Variants in ZNF778 observed in about 807,000 individuals in gnomAD.
ZNF778 encodes the protein zinc finger protein 778.
Under a neutral mutation model 23.9 loss-of-function variants are expected in ZNF778, and 37 were observed. The observed-to-expected ratio is 1.54, with a 90% CI of 1.19 to 2.03. ZNF778 has a LOEUF of 2.03. ZNF778 is among the 30% of genes most tolerant of loss of function. The pLI, the probability that ZNF778 is intolerant of heterozygous loss-of-function variation, is 0.00. For missense variants in ZNF778, 1,297 were observed against 934.4 expected, an observed-to-expected ratio of 1.39 and a Z score of -5.06; for synonymous variants, 483 against 343.9, an observed-to-expected ratio of 1.40 and a Z score of -4.48.
chr16:89,234,332 T>C lies in ZNF778; in HGVS notation c.*5770T>C. On this transcript the variant is annotated 3_prime_UTR_variant, in exon 7 of 7. Coordinates refer to ENST00000433976, the MANE Select transcript of ZNF778 (RefSeq NM_001201407.2). Reference sequence around the variant, plus strand: ...GGGCAGTTTTATTCTTTCTCTCTACTCGTTCAACCTTCTTAGGGAGTGACG... The same window carrying C: ...GGGCAGTTTTATTCTTTCTCTCTACCCGTTCAACCTTCTTAGGGAGTGACG... The C allele has an allele frequency of 6.2e-6, 2 of 324,444 alleles. No homozygotes were observed. Among genetic ancestry groups the C allele is most frequent in the South Asian group, 5.1e-5 (2 of 38,872 alleles). 20.1% of individuals were successfully genotyped at this position (324,444 alleles called of 1,614,324 possible).
chr16:89,225,239 C>T (rs56405397), intron 5 of ZNF778, among the ~76,000 whole-genome samples: 1 of 150,358 alleles, frequency 6.7e-6, no homozygotes, highest in Admixed American at 6.7e-5. Context: ...CCTCAGCCTC[C>T]TGAGTAGCTG....
In ZNF778 at chr16:89,228,606, G is replaced by A. The variant is rs1001331309; in HGVS notation, c.*44G>A. 1.3e-6 allele frequency: 2 copies of A among 1,528,684 alleles called. No homozygotes were observed. Among genetic ancestry groups the A allele is most frequent in the Admixed American group, 2.2e-5 (1 of 45,096 alleles). 94.7% of individuals were successfully genotyped at this position (1,528,684 alleles called of 1,614,324 possible). ...GCTGTCAGCTACACTCATTCACGTT[G>A]AAGACATGAAAGACCTCTCGTTCTC... On this transcript the variant is annotated 3_prime_UTR_variant, in exon 7 of 7. Coordinates refer to ENST00000433976, the MANE Select transcript of ZNF778 (RefSeq NM_001201407.2).
chr16:89,225,732 G>C, intron 6 of ZNF778, 101 bp downstream of exon 6: 1 of 1,081,114 alleles, frequency 9.2e-7, no homozygotes, highest in Non-Finnish European at 1.4e-6. Flanking sequence ...AGAGAAGCAG[G>C]ATTCACTCAG....
At position 89,228,629 on chromosome 16, in the gene ZNF778, C is replaced by G; in HGVS notation, c.*67C>G. The G allele has an allele frequency of 6.6e-7, 1 of 1,520,028 alleles. No individual in the cohort carries two copies. Among genetic ancestry groups the G allele is most frequent in the East Asian group, 2.3e-5 (1 of 44,208 alleles). 94.2% of individuals were successfully genotyped at this position (1,520,028 alleles called of 1,614,324 possible). On this transcript the variant is annotated 3_prime_UTR_variant, in exon 7 of 7. Coordinates refer to ENST00000433976, the MANE Select transcript of ZNF778 (RefSeq NM_001201407.2). ...TTGAAGACATGAAAGACCTCTCGTT[C>G]TCCAGATGTCCATGACTTGAGGAAT...
Position 89,230,827 on chromosome 16 carries a change from C to T in ZNF778, c.*2265C>T, listed in dbSNP as rs191810009. On this transcript the variant is annotated 3_prime_UTR_variant, in exon 7 of 7. Transcript: ENST00000433976. ...AGGTGAACAATAAATCCTGGATGGA[C>T]AGACCCGTGCACCTTCATATTACGT... is the stretch of plus-strand genomic sequence containing the variant. The T allele has an allele frequency of 1.5e-4, 23 of 152,380 alleles. No individual in the cohort carries two copies. The highest frequency in any genetic ancestry group is 5.3e-4 in the African/African-American group (22 of 41,572). The allele number at this position is 152,380 out of a possible 1,614,324, so 9.4% of individuals were successfully genotyped here.
At chr16:89,218,220 T>G (rs1299481248) in intron 1 of ZNF778, 1 of 152,226 alleles carries the variant, frequency 6.6e-6, no homozygotes, top group Non-Finnish European at 1.5e-5. Flanking sequence ...CTAACTGTAT[T>G]TTTTCTCACG....
chr16:89,232,284 C>G lies in ZNF778; in HGVS notation c.*3722C>G, dbSNP rs964472358. 1.0e-5 allele frequency: 2 copies of G among 195,850 alleles called. No individual in the cohort carries two copies. The highest frequency in any genetic ancestry group is 4.7e-5 in the African/African-American group (2 of 42,786). 12.1% of individuals were successfully genotyped at this position (195,850 alleles called of 1,614,324 possible). On this transcript the variant is annotated 3_prime_UTR_variant, in exon 7 of 7. Coordinates refer to ENST00000433976, the MANE Select transcript of ZNF778 (RefSeq NM_001201407.2). ...TCGGGTTTGGCTCACTGCCCTTGACCTTCTCTGCCCTGTTTGACACAGCAA... is the reference window on the plus strand; with the variant it reads ...TCGGGTTTGGCTCACTGCCCTTGACGTTCTCTGCCCTGTTTGACACAGCAA...
chr16:89,229,743 C>G lies in ZNF778; in HGVS notation c.*1181C>G, dbSNP rs576060587. The G allele has an allele frequency of 1.0e-6, 1 of 984,558 alleles. No homozygotes were observed. Among genetic ancestry groups the G allele is most frequent in the African/African-American group, 1.8e-5 (1 of 56,994 alleles). The allele number at this position is 984,558 out of a possible 1,614,324, so 61.0% of individuals were successfully genotyped here. A position where few individuals can be genotyped will look rare whatever the true frequency, so the allele number is the denominator to read the frequency against. ...TGTGATCCTGTGTGAGCAGCGTAGGCTCTGGTTGGTTAGTCTTGAGGATCC... is the reference window on the plus strand; with the variant it reads ...TGTGATCCTGTGTGAGCAGCGTAGGGTCTGGTTGGTTAGTCTTGAGGATCC... On this transcript the variant is annotated 3_prime_UTR_variant, in exon 7 of 7. Coordinates refer to ENST00000433976, the MANE Select transcript of ZNF778 (RefSeq NM_001201407.2).
rs2031877126 is a variant in ZNF778, at chr16:89,230,731, T to G, written c.*2169T>G. On this transcript the variant is annotated 3_prime_UTR_variant, in exon 7 of 7. Coordinates refer to ENST00000433976, the MANE Select transcript of ZNF778 (RefSeq NM_001201407.2). The stretch of plus-strand genomic sequence containing the variant: ...TCCTGGGTTATGTTTTTTGTGGCCA[T>G]CAGGGCAGCAGCTGCTTGGTGACTG... 1 of 152,298 alleles carries G rather than the reference T, an allele frequency of 6.6e-6. No individual in the cohort carries two copies. Among genetic ancestry groups the G allele is most frequent in the Non-Finnish European group, 1.5e-5 (1 of 68,108 alleles). The allele number at this position is 152,298 out of a possible 1,614,324, so 9.4% of individuals were successfully genotyped here.
At position 89,228,773 on chromosome 16, in the gene ZNF778, G is replaced by T. The variant is rs2031733639; in HGVS notation, c.*211G>T. ...TCTAAGGTCTTGCTGAATATGGATG[G>T]TATCCAGTAGAGAGAACTCTATTGA... On this transcript the variant is annotated 3_prime_UTR_variant, in exon 7 of 7. Transcript: ENST00000433976. 1 of 1,360,842 alleles carries T rather than the reference G, an allele frequency of 7.3e-7. No individual in the cohort carries two copies. Among genetic ancestry groups the T allele is most frequent in the Non-Finnish European group, 9.4e-7 (1 of 1,060,510 alleles). The allele number at this position is 1,360,842 out of a possible 1,614,324, so 84.3% of individuals were successfully genotyped here.
chr16:89,222,368 T>TAA (rs2031042039), intron 3 of ZNF778, among the ~76,000 whole-genome samples, 185 bp downstream of exon 3: 1 of 152,148 alleles, frequency 6.6e-6, no homozygotes, highest in South Asian at 2.1e-4. Flanking sequence ...ATTTCAGTGT[T>TAA]ACTTTTTTTT....
chr16:89,221,080 C>CT lies in ZNF778; in HGVS notation c.-46dup. The CT allele has an allele frequency of 6.4e-7, 1 of 1,557,106 alleles. No individual in the cohort carries two copies. The highest frequency in any genetic ancestry group is 8.7e-7 in the Non-Finnish European group (1 of 1,150,056). ...GATTCACAAGCTGCCCTGCAGTGGCCTTGGCTTCAGGAAAGGAGCATTCAG... is the reference window on the plus strand; with the variant it reads ...GATTCACAAGCTGCCCTGCAGTGGCCTTTGGCTTCAGGAAAGGAGCATTCAG... On this transcript the variant is annotated 5_prime_UTR_variant, in exon 2 of 7. Transcript: ENST00000433976.
Position 89,227,538 on chromosome 16 carries a change from G to A in ZNF778, c.1250G>A (p.Gly417Glu). The A allele has an allele frequency of 1.9e-6, 3 of 1,614,040 alleles. No individual in the cohort carries two copies. Among genetic ancestry groups the A allele is most frequent in the Non-Finnish European group, 2.5e-6 (3 of 1,180,004 alleles). ...CLNNHVRIHT[G>E]IKPYTCSYCG... ...AATAATCATGTTCGAATTCACACTG[G>A]AATAAAACCCTATACATGCAGCTAC... The change falls in exon 7 of 7, where the codon GGA (glycine) becomes GAA (glutamate). Residue 417 changes from glycine (G) to glutamate (E), a missense_variant. By Grantham distance (98) the Gly-to-Glu change is moderately conservative (BLOSUM62 -2). Coordinates refer to ENST00000433976, the MANE Select transcript of ZNF778 (RefSeq NM_001201407.2).
intron 1 of ZNF778, among the ~76,000 whole-genome samples, chr16:89,220,475 G>C (rs760837895): frequency 1.3e-5 from 2 of 152,168 alleles, no homozygotes; most frequent in Non-Finnish European, 2.9e-5. Context: ...GGCTAACATG[G>C]TGAAACCCCA....
chr16:89,224,188 A>T (rs1408350078), intron 4 of ZNF778, among the ~76,000 whole-genome samples: 1 of 151,858 alleles, frequency 6.6e-6, no homozygotes, highest in Non-Finnish European at 1.5e-5. Flanking sequence ...TCAGGGCTGT[A>T]ATCCCAGCAC....
intron 4 of ZNF778, among the ~76,000 whole-genome samples, chr16:89,223,687 T>G (rs2031186213): frequency 6.6e-6 from 1 of 152,190 alleles, no homozygotes; most frequent in Admixed American, 6.5e-5. Context: ...CTTTGTGGTT[T>G]TTACGTGTAT....
chr16:89,229,482 T>C lies in ZNF778; in HGVS notation c.*920T>C. 2.0e-6 allele frequency: 2 copies of C among 977,234 alleles called. No individual in the cohort carries two copies. Among genetic ancestry groups the C allele is most frequent in the Non-Finnish European group, 2.4e-6 (2 of 827,570 alleles). The allele number at this position is 977,234 out of a possible 1,614,324, so 60.5% of individuals were successfully genotyped here. Reference sequence around the variant, plus strand: ...GATTCTGTGTGAGCAGCGTAGGCTCTGGTTGGTTAGTCTTGAGGATCCAGA... The same window carrying C: ...GATTCTGTGTGAGCAGCGTAGGCTCCGGTTGGTTAGTCTTGAGGATCCAGA... On this transcript the variant is annotated 3_prime_UTR_variant, in exon 7 of 7. Transcript: ENST00000433976.
rs1203968718 is a variant in ZNF778 at position 89,232,973 on chromosome 16, C to T, written c.*4411C>T. On this transcript the variant is annotated 3_prime_UTR_variant, in exon 7 of 7. Coordinates refer to ENST00000433976, the MANE Select transcript of ZNF778 (RefSeq NM_001201407.2). ...AACTCAGCTCGCTCTGCGTATGCAA[C>T]TGAGCTCGCTCTGCGTATGCAACCC... is the stretch of plus-strand genomic sequence containing the variant. 4.0e-6 allele frequency: 5 copies of T among 1,261,892 alleles called. No individual in the cohort carries two copies. Among genetic ancestry groups the T allele is most frequent in the Admixed American group, 4.8e-5 (2 of 41,450 alleles). The allele number at this position is 1,261,892 out of a possible 1,614,324, so 78.2% of individuals were successfully genotyped here.
chr16:89,234,887 G>C lies in ZNF778; in HGVS notation c.*6325G>C, dbSNP rs893512352. 6.6e-6 allele frequency: 1 copy of C among 152,110 alleles called. No individual in the cohort carries two copies. The highest frequency in any genetic ancestry group is 1.5e-5 in the Non-Finnish European group (1 of 68,050). The allele number at this position is 152,110 out of a possible 1,614,324, so 9.4% of individuals were successfully genotyped here. ...ACCGAGATCGCGCCACTGCACTCCA[G>C]CCTGGCAACAGAGTGAGACTCTGTC... On this transcript the variant is annotated 3_prime_UTR_variant, in exon 7 of 7. Coordinates refer to ENST00000433976, the MANE Select transcript of ZNF778 (RefSeq NM_001201407.2).
Sources: gnomAD v4.1 joint callset for allele counts (sites outside exome capture counted in the v4.1 genomes callset) on GRCh38, gnomAD v4.1.1 for gene constraint, MANE v1.5 for transcripts, NCBI Gene and HGNC (gene_info 2026-07-23, HGNC 2026-07-21) for gene names.